The following MACROD2 variants were observed in gnomAD, a reference collection of about 807,000 sequenced individuals.
The protein encoded by MACROD2 is mono-ADP ribosylhydrolase 2.
In MACROD2, 36 loss-of-function variants were observed where a neutral mutation model predicts 70.4. The observed-to-expected ratio is 0.51, with a 90% CI of 0.39 to 0.68. The LOEUF is 0.68. Ranked by LOEUF, MACROD2 falls within the 30% of genes least tolerant of loss-of-function variation. The pLI, the probability that MACROD2 is intolerant of heterozygous loss-of-function variation, is 0.00. For synonymous variants in MACROD2, 172 were observed against 178.8 expected, an observed-to-expected ratio of 0.96 and a Z score of 0.30; for missense variants, 496 against 538.4, an observed-to-expected ratio of 0.92 and a Z score of 0.78.
intron 4 of MACROD2, among the ~76,000 whole-genome samples, chr20:14,542,211 A>G (rs1455715994): frequency 6.6e-6 from 1 of 152,162 alleles, no homozygotes; most frequent in East Asian, 1.9e-4. Context: ...ACTCCTATGT[A>G]TATTTTGCCA....
intron 6 of MACROD2, among the ~76,000 whole-genome samples, chr20:15,281,571 T>G (rs2077444798): frequency 6.6e-6 from 1 of 152,152 alleles, no homozygotes; most frequent in Admixed American, 6.5e-5. Context: ...AGTTCCAAAA[T>G]TATCTCCTTT....
chr20:14,552,602 T>G (rs148636135), intron 4 of MACROD2, among the ~76,000 whole-genome samples: 1 of 152,080 alleles, frequency 6.6e-6, no homozygotes, highest in African/African-American at 2.4e-5. Flanking sequence ...GTGAACATCA[T>G]AGAGTGAACC....
intron 6 of MACROD2, among the ~76,000 whole-genome samples, chr20:15,332,664 T>A (rs1432557680): frequency 6.6e-6 from 1 of 151,570 alleles, no homozygotes; most frequent in African/African-American, 2.4e-5. Flanking sequence ...GACGTGAATA[T>A]TGTTATTATT....
At chr20:14,905,026 T>C (rs2073942048) in intron 5 of MACROD2, 1 of 152,146 alleles carries the variant, frequency 6.6e-6, no homozygotes, top group African/African-American at 2.4e-5. Flanking sequence ...CTCTGAGTGA[T>C]GGTGGGCACA....
intron 8 of MACROD2, among the ~76,000 whole-genome samples, chr20:15,844,323 G>C (rs8123764): frequency 6.6e-6 from 1 of 151,932 alleles, no homozygotes; most frequent in Non-Finnish European, 1.5e-5. Flanking sequence ...GGGAAATGAC[G>C]AACACATAAA....
intron 4 of MACROD2, among the ~76,000 whole-genome samples, chr20:14,530,276 AG>A (rs1179088403): frequency 6.6e-6 from 1 of 152,210 alleles, no homozygotes; most frequent in Non-Finnish European, 1.5e-5. Flanking sequence ...TAAAAGTCCC[AG>A]GGAACTGATA....
At chr20:15,067,094 T>C (rs1168210610) in intron 5 of MACROD2, among the ~76,000 whole-genome samples, 1 of 152,120 alleles carries the variant, frequency 6.6e-6, no homozygotes, top group Non-Finnish European at 1.5e-5. Flanking sequence ...CTTCTAAGAG[T>C]CAGAAACAAA....
At chr20:15,734,015 T>C (rs2146954532) in intron 8 of MACROD2, among the ~76,000 whole-genome samples, 1 of 152,272 alleles carries the variant, frequency 6.6e-6, no homozygotes, top group Non-Finnish European at 1.5e-5. Context: ...AGTAGAGATG[T>C]ATACAGAGTG....
intron 5 of MACROD2, among the ~76,000 whole-genome samples, chr20:14,825,037 T>A (rs879827456): frequency 7.2e-5 from 11 of 152,076 alleles, no homozygotes; most frequent in Non-Finnish European, 1.5e-4. Flanking sequence ...TCTGAAAAAC[T>A]CCTAAGTCTT....
intron 4 of MACROD2, among the ~76,000 whole-genome samples, chr20:14,659,652 T>C (rs757369597): frequency 6.6e-6 from 1 of 152,148 alleles, no homozygotes; most frequent in East Asian, 1.9e-4. Context: ...TAAACACTAG[T>C]GGGAAAAAGC....
intron 5 of MACROD2, among the ~76,000 whole-genome samples, chr20:15,133,154 A>C (rs548968426): frequency 6.2e-4 from 94 of 152,200 alleles, no homozygotes; most frequent in African/African-American, 2.2e-3. Context: ...GTGCTATAAA[A>C]AGGATTTAAG....
intron 5 of MACROD2, among the ~76,000 whole-genome samples, chr20:14,687,262 T>C (rs2071013595): frequency 6.6e-6 from 1 of 152,186 alleles, no homozygotes; most frequent in Non-Finnish European, 1.5e-5. Context: ...ATCAAATTTC[T>C]CCAAATCTGA....
At chr20:15,672,564 G>A (rs1241026751) in intron 8 of MACROD2, among the ~76,000 whole-genome samples, 1 of 152,082 alleles carries the variant, frequency 6.6e-6, no homozygotes, top group African/African-American at 2.4e-5. Context: ...TTCTTCAGAT[G>A]GGGTGAGTTC....
At position 13,995,823 on chromosome 20, in the gene MACROD2, C is replaced by T; in HGVS notation, c.46+14C>T. On this transcript the variant is annotated intron_variant, in intron 1 of 17. Coordinates refer to ENST00000684519, the MANE Select transcript of MACROD2 (RefSeq NM_001351661.2). The surrounding 1 kb of genome is among the most constrained non-coding windows in gnomAD (Gnocchi z 4.3). ...GAGAGGAGAAAGGTAACCGGCCCGT[C>T]GAGTCCTGGGGGTGCGGGCGGTGGG... The T allele has an allele frequency of 7.9e-7, 1 of 1,267,778 alleles. No homozygotes were observed. Among genetic ancestry groups the T allele is most frequent in the Non-Finnish European group, 1.1e-6 (1 of 924,800 alleles). The allele number at this position is 1,267,778 out of a possible 1,614,324, so 78.5% of individuals were successfully genotyped here. A position where few individuals can be genotyped will look rare whatever the true frequency, so the allele number is the denominator to read the frequency against.
chr20:14,624,093 A>G (rs1319775061), intron 4 of MACROD2, among the ~76,000 whole-genome samples: 1 of 152,170 alleles, frequency 6.6e-6, no homozygotes, highest in African/African-American at 2.4e-5. Flanking sequence ...TGTTTATCAG[A>G]CTTATCTGCA....
At chr20:14,532,530 A>G (rs1314728626) in intron 4 of MACROD2, among the ~76,000 whole-genome samples, 2 of 152,084 alleles carry the variant, frequency 1.3e-5, no homozygotes, top group Non-Finnish European at 2.9e-5. Context: ...ATTTTTAACA[A>G]AAAAATTTAA....
At chr20:14,286,848 G>C (rs1425918047) in intron 3 of MACROD2, among the ~76,000 whole-genome samples, 4 of 152,130 alleles carry the variant, frequency 2.6e-5, no homozygotes, top group Non-Finnish European at 5.9e-5. Context: ...AGGATATTAA[G>C]CAGATGCTCA....
At chr20:14,821,253 A>C (rs2072841207) in intron 5 of MACROD2, among the ~76,000 whole-genome samples, 1 of 152,084 alleles carries the variant, frequency 6.6e-6, no homozygotes, top group Non-Finnish European at 1.5e-5. Context: ...TTAATATCTT[A>C]ATCTGGCAGT....
At chr20:15,431,613 C>T (rs1428166411) in intron 7 of MACROD2, among the ~76,000 whole-genome samples, 178 bp downstream of exon 7, 3 of 151,932 alleles carry the variant, frequency 2.0e-5, no homozygotes, top group Non-Finnish European at 4.4e-5. Context: ...CTTTTGGGTT[C>T]TTGAATTTGG....
Sources: allele counts gnomAD v4.1 joint callset (sites outside exome capture counted in the v4.1 genomes callset), GRCh38; gene constraint gnomAD v4.1.1; non-coding constraint Gnocchi (gnomAD v3.1); transcripts MANE v1.5; gene names NCBI Gene and HGNC (gene_info 2026-07-23, HGNC 2026-07-21).